Variants in PRSS23 observed in about 807,000 individuals in gnomAD.
The protein encoded by PRSS23 is protease, serine 23.
PRSS23 carries 25 observed loss-of-function variants against 34.7 expected under a neutral mutation model. The ratio of observed to expected loss-of-function variants is 0.72; its 90% confidence interval spans 0.53 to 1.01. The LOEUF is 1.01. Ranked by LOEUF, PRSS23 falls within the 50% of genes least tolerant of loss-of-function variation. The pLI, the probability that PRSS23 is intolerant of heterozygous loss-of-function variation, is 0.00. For synonymous variants in PRSS23, 176 were observed against 186.6 expected (o/e 0.94, Z 0.46); for missense variants, 445 against 475.6 (o/e 0.94, Z 0.60).
chr11:86,800,359 C>T (rs1002895817), upstream of PRSS23: 29 of 799,138 alleles, frequency 3.6e-5, no homozygotes, highest in African/African-American at 5.4e-4. Flanking sequence ...GGCCTCAGGC[C>T]CTCTGGGCTG....
intron 2 of PRSS23, among the ~76,000 whole-genome samples, chr11:86,876,984 T>G (rs1299776981): frequency 6.6e-6 from 1 of 152,216 alleles, no homozygotes; most frequent in African/African-American, 2.4e-5. Flanking sequence ...ACCTGTCTTC[T>G]ACCTGCACGG....
chr11:86,829,372 G>T (rs1948331493), intron 2 of PRSS23, among the ~76,000 whole-genome samples: 2 of 152,112 alleles, frequency 1.3e-5, no homozygotes, highest in South Asian at 4.2e-4. Flanking sequence ...TCTCTGTATT[G>T]GTTATTCTAG....
intron 2 of PRSS23, among the ~76,000 whole-genome samples, chr11:86,906,162 C>T (rs569625644): frequency 8.5e-4 from 128 of 151,374 alleles, no homozygotes; most frequent in African/African-American, 3.0e-3. Context: ...GGCCGGGGGG[C>T]GGGGGCAAGA....
intron 2 of PRSS23, among the ~76,000 whole-genome samples, chr11:86,887,983 C>T (rs1201951570): frequency 6.6e-6 from 1 of 151,466 alleles, no homozygotes; most frequent in Non-Finnish European, 1.5e-5. Context: ...ATCTGGGAGG[C>T]AGAGGTTACA....
chr11:86,826,098 C>A (rs1171095655), intron 2 of PRSS23, among the ~76,000 whole-genome samples: 1 of 152,048 alleles, frequency 6.6e-6, no homozygotes, highest in African/African-American at 2.4e-5. Flanking sequence ...GATATTGATT[C>A]TTCCTACCCA....
upstream of PRSS23, among the ~76,000 whole-genome samples, chr11:86,799,206 C>T (rs182868342): frequency 7.6e-4 from 115 of 152,264 alleles, no homozygotes; most frequent in Non-Finnish European, 1.4e-3. Context: ...GATCCTGCTA[C>T]TGCACTCCAG....
rs1203559123 is a variant in PRSS23, at chr11:86,810,020, G to A, written c.*1225G>A. 1.2e-5 allele frequency: 2 copies of A among 166,904 alleles called. No homozygotes were observed. Among genetic ancestry groups the A allele is most frequent in the African/African-American group, 4.8e-5 (2 of 41,422 alleles). The allele number at this position is 166,904 out of a possible 1,614,324, so 10.3% of individuals were successfully genotyped here. A position where few individuals can be genotyped will look rare whatever the true frequency, so the allele number is the denominator to read the frequency against. ...GGCCGCTTTTGCTGGAATGCTCTAG[G>A]TTATAGATAAACAATTAGGTATAAT... On this transcript the variant is annotated 3_prime_UTR_variant, in exon 2 of 2. Transcript: ENST00000280258.
intron 2 of PRSS23, among the ~76,000 whole-genome samples, chr11:86,884,746 C>T (rs1041762915): frequency 2.6e-5 from 4 of 152,338 alleles, no homozygotes; most frequent in Non-Finnish European, 5.9e-5. Context: ...CATTCCCCTA[C>T]ACTATCATAT....
At chr11:86,830,135 G>A (rs1948339902) in intron 2 of PRSS23, among the ~76,000 whole-genome samples, 1 of 151,956 alleles carries the variant, frequency 6.6e-6, no homozygotes, top group Non-Finnish European at 1.5e-5. Context: ...GAGCTGTGGT[G>A]GGCTCCACCC....
intron 2 of PRSS23, among the ~76,000 whole-genome samples, chr11:86,940,542 C>A (rs140247721): frequency 3.3e-5 from 5 of 152,170 alleles, no homozygotes; most frequent in African/African-American, 1.2e-4. Flanking sequence ...ACAGTCCACA[C>A]GGCAGACAGA....
At chr11:86,879,702 C>T (rs1461371929) in intron 2 of PRSS23, among the ~76,000 whole-genome samples, 2 of 141,612 alleles carry the variant, frequency 1.4e-5, no homozygotes, top group African/African-American at 2.6e-5. Flanking sequence ...CCCGGCCAGC[C>T]GCCCCATCCG....
At chr11:86,930,123 A>C (rs541515991) in intron 2 of PRSS23, among the ~76,000 whole-genome samples, 1 of 152,202 alleles carries the variant, frequency 6.6e-6, no homozygotes, top group South Asian at 2.1e-4. Context: ...GTGTATGTAT[A>C]CAAAATCTTG....
chr11:86,833,179 T>C (rs1219985678), intron 2 of PRSS23: 2 of 1,012,896 alleles, frequency 2.0e-6, no homozygotes, highest in Admixed American at 1.7e-5. Context: ...GCAGCCTGCA[T>C]AGGAGATGAC....
chr11:86,879,998 T>C lies in PRSS23; in HGVS notation c.206+56405T>C, dbSNP rs1263443933. Among the ~76,000 whole-genome samples the C allele has an allele frequency of 8.4e-3, 1,272 of 152,108 alleles. 18 individuals are homozygous for C. Among genetic ancestry groups the C allele is most frequent in the African/African-American group, 0.03 (1,231 of 41,496 alleles). ...TGATGACAATGGCGGTTTTGTGGAA[T>C]AGAAAGGGGAGAAAGGCGGGGAAAG... On this transcript the variant is annotated intron_variant, in intron 2 of 2. Transcript: ENST00000533902.
chr11:86,912,626 G>A (rs1263808930), intron 2 of PRSS23, among the ~76,000 whole-genome samples: 1 of 151,716 alleles, frequency 6.6e-6, no homozygotes. Flanking sequence ...AATTCCATTT[G>A]GTTCTTTTTT....
intron 2 of PRSS23, among the ~76,000 whole-genome samples, chr11:86,868,903 C>G (rs1948667615): frequency 6.6e-6 from 1 of 152,154 alleles, no homozygotes; most frequent in Admixed American, 6.6e-5. Context: ...CCTCAACCTC[C>G]CAGGCTCAGG....
chr11:86,879,503 G>A (rs1157025308), intron 2 of PRSS23, among the ~76,000 whole-genome samples: 1 of 122,424 alleles, frequency 8.2e-6, no homozygotes, highest in African/African-American at 3.1e-5. Flanking sequence ...GAGGTGGGGG[G>A]ATCAGCCCCC....
At chr11:86,794,652 T>A (rs2135588899) in intron 1 of PRSS23, among the ~76,000 whole-genome samples, 1 of 152,286 alleles carries the variant, frequency 6.6e-6, no homozygotes, top group Admixed American at 6.5e-5. Flanking sequence ...AGACTTAAAA[T>A]GAGTAATCTA....
intron 2 of PRSS23, among the ~76,000 whole-genome samples, chr11:86,825,166 G>A (rs1375673135): frequency 1.3e-5 from 2 of 151,580 alleles, no homozygotes; most frequent in African/African-American, 4.9e-5. Context: ...TTTAATGATT[G>A]CCATTCTAAC....
Sources: allele counts gnomAD v4.1 joint callset (sites outside exome capture counted in the v4.1 genomes callset), GRCh38; gene constraint gnomAD v4.1.1; transcripts MANE v1.5; gene names NCBI Gene and HGNC (gene_info 2026-07-23, HGNC 2026-07-21).